EOLA2: variants seen among roughly 807,000 people sequenced by gnomAD.
The protein encoded by EOLA2 is protein EOLA2.
Under a neutral mutation model 4.1 loss-of-function variants are expected in EOLA2, and 3 were observed. The observed-to-expected ratio is 0.73, with a 90% CI of 0.33 to 1.89. The LOEUF is 1.89. Ranked by LOEUF, EOLA2 falls within the 40% of genes most tolerant of loss-of-function variation. The pLI is 0.08. For missense variants in EOLA2, 109 were observed against 126.4 expected (o/e 0.86, Z 0.66); for synonymous variants, 52 against 51.7 (o/e 1.01, Z -0.03).
intron 2 of EOLA2, 125 bp from the exon 3 acceptor site, chrX:149,934,262 T>A: frequency 1.5e-6 from 1 of 688,079 alleles, no homozygotes; most frequent in Non-Finnish European, 1.8e-6. Context: ...GGGGCTGGTG[T>A]TAGCCCTCTT....
At chrX:149,931,804 C>CA (rs782666125), downstream of EOLA2, among the ~76,000 whole-genome samples, 1,331 of 46,417 alleles carry the variant, frequency 0.029, 22 homozygotes, top group African/African-American at 0.054. Flanking sequence ...GCTAAATCAC[C>CA]AAAAAAAAAA....
chrX:149,934,958 G>A (rs1477193630), intron 2 of EOLA2, among the ~76,000 whole-genome samples: 5 of 112,275 alleles, frequency 4.5e-5, no homozygotes, highest in African/African-American at 1.6e-4. Flanking sequence ...GGCACCAAGA[G>A]CACCCAGCCC....
chrX:149,935,873 G>A (rs1171523704), intron 2 of EOLA2, among the ~76,000 whole-genome samples: 3 of 108,495 alleles, frequency 2.8e-5, no homozygotes, highest in African/African-American at 1.0e-4. Flanking sequence ...CCACATCTGC[G>A]GCCCACATCC....
rs1557376829 is a variant in EOLA2, at chrX:149,938,430, G to C, written c.-448C>G. ...CCGGTGGCCAGTGACAGATGCTAGCGGTCCATAACTTCGGCTTTCATGCAG... is the reference window on the plus strand; with the variant it reads ...CCGGTGGCCAGTGACAGATGCTAGCCGTCCATAACTTCGGCTTTCATGCAG... On this transcript the variant is annotated 5_prime_UTR_variant, in exon 1 of 5. Transcript: ENST00000370406. 8.9e-6 allele frequency: 1 copy of C among 112,837 alleles called. No individual in the cohort carries two copies. Among genetic ancestry groups the C allele is most frequent in the Admixed American group, 9.3e-5 (1 of 10,789 alleles). The allele number at this position is 112,837 out of a possible 1,213,427, so 9.3% of individuals were successfully genotyped here.
At chrX:149,934,824 T>A (rs2090953125) in intron 2 of EOLA2, among the ~76,000 whole-genome samples, 1 of 112,181 alleles carries the variant, frequency 8.9e-6, no homozygotes, top group East Asian at 2.8e-4. Flanking sequence ...GAGGGTCCCC[T>A]CCTCTTGCAC....
chrX:149,938,381 G>A lies in EOLA2; in HGVS notation c.-399C>T, dbSNP rs1182988765. ...ACCCGGCTCGTGTCAGGGCTGTAAG[G>A]TAGCTGCCGCTTACTCCCGGAAACC... On this transcript the variant is annotated 5_prime_UTR_variant, in exon 1 of 5. Transcript: ENST00000370406. 1 of 112,945 alleles carries A rather than the reference G, an allele frequency of 8.9e-6. No homozygotes were observed. The highest frequency in any genetic ancestry group is 1.9e-5 in the Non-Finnish European group (1 of 53,305). The allele number at this position is 112,945 out of a possible 1,213,427, so 9.3% of individuals were successfully genotyped here.
chrX:149,935,353 T>C (rs2090966847), intron 2 of EOLA2, among the ~76,000 whole-genome samples: 1 of 70,432 alleles, frequency 1.4e-5, no homozygotes, highest in Non-Finnish European at 2.7e-5. Context: ...AGCCACCATC[T>C]ATGCTCGCTC....
At chrX:149,931,546 A>G (rs1243546288), downstream of EOLA2, among the ~76,000 whole-genome samples, 11 of 98,574 alleles carry the variant, frequency 1.1e-4, no homozygotes, top group African/African-American at 3.7e-4. Flanking sequence ...ATCTTCCTGT[A>G]TCTTCAAACA....
downstream of EOLA2, chrX:149,931,102 G>A (rs2090867622): frequency 1.1e-6 from 1 of 936,305 alleles, no homozygotes; most frequent in African/African-American, 2.1e-5. Flanking sequence ...ATGAGGAGGA[G>A]TAGGAAGGCT....
chrX:149,934,061 G>C lies in EOLA2; in HGVS notation c.-86C>G, dbSNP rs1269194645. The C allele has an allele frequency of 1.8e-6, 2 of 1,084,672 alleles. No individual in the cohort carries two copies. The highest frequency in any genetic ancestry group is 2.4e-6 in the Non-Finnish European group (2 of 837,886). The allele number at this position is 1,084,672 out of a possible 1,213,427, so 89.4% of individuals were successfully genotyped here. ...ATGTCGAGCACCACAGCAGGCCCAAGGGAAGGGGCTAGGATTCGGCTGACT... is the reference window on the plus strand; with the variant it reads ...ATGTCGAGCACCACAGCAGGCCCAACGGAAGGGGCTAGGATTCGGCTGACT... On this transcript the variant is annotated 5_prime_UTR_variant, in exon 3 of 5. Transcript: ENST00000370406.
At chrX:149,931,171 T>C (rs1557374202), downstream of EOLA2, 2 of 931,479 alleles carry the variant, frequency 2.1e-6, no homozygotes, top group Admixed American at 1.2e-4. Flanking sequence ...ATTCGTGAAC[T>C]CACAGGCCAC....
At chrX:149,931,905 T>C (rs1466565157), downstream of EOLA2, among the ~76,000 whole-genome samples, 1 of 98,252 alleles carries the variant, frequency 1.0e-5, no homozygotes, top group Non-Finnish European at 2.0e-5. Flanking sequence ...TTTGGATGTA[T>C]TGCTAGGATA....
chrX:149,932,673 C>T lies in EOLA2; in HGVS notation c.348G>A (p.Leu116=), dbSNP rs1557374663. 3 of 1,205,379 alleles carry T rather than the reference C, an allele frequency of 2.5e-6. No homozygotes were observed. The highest frequency in any genetic ancestry group is 3.4e-6 in the Non-Finnish European group (3 of 893,852). Residue 116 remains leucine, a synonymous_variant, in exon 5 of 5, where the codon CTG becomes CTA. Transcript: ENST00000370406. ...AAATCACAGTCAGGTACTTCTGCTT[C>T]AGGTTGGTCAGTGCAGCTTGATTTT... The part of the protein sequence containing the change: ...ELENQAALTN[L]KQKYLTVISN...
At chrX:149,933,432 G>C (rs781805201) in intron 4 of EOLA2, among the ~76,000 whole-genome samples, 190 bp downstream of exon 4, 1 of 110,936 alleles carries the variant, frequency 9.0e-6, no homozygotes, top group East Asian at 2.8e-4. Flanking sequence ...ATTTACCAGA[G>C]CTTGCGGAAG....
At chrX:149,930,458 G>A (rs1443467409), downstream of EOLA2, 4 of 293,268 alleles carry the variant, frequency 1.4e-5, no homozygotes, top group African/African-American at 1.1e-4. Context: ...AGGTCATGCT[G>A]TAGAGCATAA....
Position 149,932,672 on chromosome X carries a change from T to C in EOLA2, c.349A>G (p.Lys117Glu). Residue 117 changes from lysine to glutamate, a missense_variant, in exon 5 of 5, where the codon AAG (lysine) becomes GAG (glutamate). By Grantham distance (56) the Lys-to-Glu change is moderately conservative (BLOSUM62 1). Transcript: ENST00000370406. ...LENQAALTNL[K>E]QKYLTVISNP... is the part of the protein sequence containing the mutation. ...GAAATCACAGTCAGGTACTTCTGCTTCAGGTTGGTCAGTGCAGCTTGATTT... is the reference window on the plus strand; with the variant it reads ...GAAATCACAGTCAGGTACTTCTGCTCCAGGTTGGTCAGTGCAGCTTGATTT... 1 of 1,208,236 alleles carries C rather than the reference T, an allele frequency of 8.3e-7. No individual in the cohort carries two copies.
intron 2 of EOLA2, among the ~76,000 whole-genome samples, chrX:149,934,963 C>A (rs2090956216): frequency 8.9e-6 from 1 of 112,336 alleles, no homozygotes; most frequent in South Asian, 3.7e-4. Flanking sequence ...CAAGAGCACC[C>A]AGCCCAGTAC....
At chrX:149,935,676 G>A (rs1331309389) in intron 2 of EOLA2, among the ~76,000 whole-genome samples, 8 of 104,435 alleles carry the variant, frequency 7.7e-5, no homozygotes, top group African/African-American at 1.8e-4. Flanking sequence ...GTTGCTCACC[G>A]TCCTGCTCTG....
In EOLA2 at chrX:149,933,999, A is replaced by G. The variant is rs2090934402; in HGVS notation, c.-30+6T>C. The G allele has an allele frequency of 8.9e-7, 1 of 1,127,026 alleles. No individual in the cohort carries two copies. The highest frequency in any genetic ancestry group is 2.2e-5 in the South Asian group (1 of 45,669). 92.9% of individuals were successfully genotyped at this position (1,127,026 alleles called of 1,213,427 possible). On this transcript the variant is annotated splice_donor_region_variant and intron_variant, in intron 3 of 4. Transcript: ENST00000370406. ...GTGTCTCTCAGGTGGCCTAAATCGC[A>G]CTGACCTTGATGGTCTGCTGCTTCC...
Sources: gnomAD v4.1 joint callset for allele counts (sites outside exome capture counted in the v4.1 genomes callset) on GRCh38, gnomAD v4.1.1 for gene constraint, MANE v1.5 for transcripts, NCBI Gene and HGNC (gene_info 2026-07-23, HGNC 2026-07-21) for gene names.